INPP5D: variants seen among roughly 807,000 people sequenced by gnomAD.
INPP5D encodes inositol polyphosphate-5-phosphatase D, also known as phosphatidylinositol 3,4,5-trisphosphate 5-phosphatase 1.
INPP5D carries 33 observed loss-of-function variants against 122.9 expected under a neutral mutation model. That is an observed-to-expected ratio of 0.27 (90% confidence interval 0.20 to 0.36). The LOEUF (loss-of-function observed/expected upper bound fraction) is 0.36, where lower values mean the gene tolerates loss of function less well. Ranked by LOEUF, INPP5D falls within the 10% of genes least tolerant of loss-of-function variation. The pLI, the probability that INPP5D is intolerant of heterozygous loss-of-function variation, is 1.00. For synonymous variants in INPP5D, 584 were observed against 576.2 expected, an observed-to-expected ratio of 1.01 and a Z score of -0.19; for missense variants, 1,053 against 1,412.7, an observed-to-expected ratio of 0.75 and a Z score of 4.08.
At chr2:233,141,655 A>G (rs1280002759) in intron 6 of INPP5D, 3 of 152,258 alleles carry the variant, frequency 2.0e-5, no homozygotes, top group East Asian at 1.9e-4. Context: ...GCAGAATTCT[A>G]TTCTAAGGTG....
chr2:233,137,856 ATATATATATATATATATATATATAT>A, intron 5 of INPP5D, among the ~76,000 whole-genome samples: 1 of 14,364 alleles, frequency 7.0e-5, no homozygotes, highest in Non-Finnish European at 1.3e-4. Context: ...AAAAAAAAAT[ATATATATATATATATATATATATAT>A]ATATATATAT....
chr2:233,122,406 G>A (rs1693016506), intron 3 of INPP5D, 149 bp downstream of exon 3: 1 of 794,896 alleles, frequency 1.3e-6, no homozygotes, highest in African/African-American at 1.7e-5. Flanking sequence ...AGGCTCTCTG[G>A]TCAGGCAGAC....
intron 6 of INPP5D, among the ~76,000 whole-genome samples, chr2:233,144,235 GGTGAT>G (rs1693689571): frequency 6.6e-6 from 1 of 151,296 alleles, no homozygotes; most frequent in Non-Finnish European, 1.5e-5. Flanking sequence ...TGATGGTGAT[GGTGAT>G]GGTGGAGGTG....
At chr2:233,198,431 G>A (rs1402734335) in intron 25 of INPP5D, 55 bp downstream of exon 25, 1 of 1,546,556 alleles carries the variant, frequency 6.5e-7, no homozygotes, top group Non-Finnish European at 8.7e-7. Context: ...AGCGCCCTGG[G>A]CTTTGGGCTT....
intron 17 of INPP5D, among the ~76,000 whole-genome samples, chr2:233,172,493 TGAAA>T (rs981988949): frequency 2.6e-5 from 4 of 151,350 alleles, no homozygotes; most frequent in Admixed American, 2.0e-4. Flanking sequence ...ACAGTGAAAA[TGAAA>T]GAAAGGGGGA....
intron 1 of INPP5D, among the ~76,000 whole-genome samples, chr2:233,066,538 G>A (rs961804725): frequency 6.6e-6 from 1 of 152,198 alleles, no homozygotes; most frequent in Non-Finnish European, 1.5e-5. Context: ...AAGCCCACTC[G>A]TTGGGTTATT....
At chr2:233,061,603 G>A (rs374538687) in intron 1 of INPP5D, among the ~76,000 whole-genome samples, 6 of 152,304 alleles carry the variant, frequency 3.9e-5, no homozygotes, top group African/African-American at 1.4e-4. Context: ...GATGAACCCA[G>A]ACCTGTTTTG....
chr2:233,196,909 T>C (rs1695199595), intron 24 of INPP5D, among the ~76,000 whole-genome samples: 1 of 152,160 alleles, frequency 6.6e-6, no homozygotes, highest in Non-Finnish European at 1.5e-5. Flanking sequence ...ACTTCCAGCT[T>C]CCGATGTTCA....
At chr2:233,104,005 C>T (rs930951542) in intron 2 of INPP5D, among the ~76,000 whole-genome samples, 3 of 117,048 alleles carry the variant, frequency 2.6e-5, no homozygotes, top group Non-Finnish European at 3.3e-5. Context: ...CTGTGCCCTG[C>T]CTTTTTTTTT....
intron 9 of INPP5D, among the ~76,000 whole-genome samples, chr2:233,151,268 T>C (rs1216184394): frequency 6.6e-6 from 1 of 151,854 alleles, no homozygotes; most frequent in African/African-American, 2.4e-5. Context: ...GAGCCAGGAG[T>C]TTGAGTTCAC....
chr2:233,202,750 C>T (rs1338779353), intron 25 of INPP5D, among the ~76,000 whole-genome samples: 1 of 152,212 alleles, frequency 6.6e-6, no homozygotes, highest in Non-Finnish European at 1.5e-5. Flanking sequence ...AAATGTGTTC[C>T]CATTTCTCGT....
At chr2:233,099,941 G>C (rs1692257417) in intron 2 of INPP5D, among the ~76,000 whole-genome samples, 1 of 152,198 alleles carries the variant, frequency 6.6e-6, no homozygotes, top group Non-Finnish European at 1.5e-5. Flanking sequence ...TCATGTGGCA[G>C]ACAAGAGAAG....
At chr2:233,067,700 A>G (rs999373778) in intron 1 of INPP5D, among the ~76,000 whole-genome samples, 2 of 152,096 alleles carry the variant, frequency 1.3e-5, no homozygotes, top group African/African-American at 4.8e-5. Context: ...AGCACTTGTT[A>G]TTATCTTTTT....
intron 18 of INPP5D, among the ~76,000 whole-genome samples, chr2:233,180,343 GA>G (rs1694750175): frequency 6.6e-6 from 1 of 151,458 alleles, no homozygotes; most frequent in African/African-American, 2.4e-5. Context: ...GTACATATCT[GA>G]AATATTCTGA....
rs1473668457 is a variant in INPP5D at position 233,139,839 on chromosome 2, C to T, written c.666-3C>T. 9 of 398,666 alleles carry T rather than the reference C, an allele frequency of 2.3e-5. No homozygotes were observed. Among genetic ancestry groups the T allele is most frequent in the African/African-American group, 1.2e-4 (6 of 48,636 alleles). 24.7% of individuals were successfully genotyped at this position (398,666 alleles called of 1,614,324 possible). A position where few individuals can be genotyped will look rare whatever the true frequency, so the allele number is the denominator to read the frequency against. On this transcript the variant is annotated splice_region_variant and splice_polypyrimidine_tract_variant and intron_variant, in intron 5 of 26. Transcript: ENST00000445964. ...TGATGTTCACCTTGTCCCCTGCCCCCAGAGAAGTCATCCGGACCCTCCCAT... is the reference window on the plus strand; with the variant it reads ...TGATGTTCACCTTGTCCCCTGCCCCTAGAGAAGTCATCCGGACCCTCCCAT...
chr2:233,126,054 T>A, intron 4 of INPP5D, 135 bp downstream of exon 4: 1 of 873,570 alleles, frequency 1.1e-6, no homozygotes, highest in African/African-American at 1.7e-5. Context: ...CAGAGAAGAG[T>A]GCTTGTCATC....
chr2:233,179,172 G>C (rs1694723239), intron 18 of INPP5D, among the ~76,000 whole-genome samples: 17 of 148,692 alleles, frequency 1.1e-4, no homozygotes, highest in Admixed American at 1.1e-3. Flanking sequence ...CCACGGCCAG[G>C]GCATTGTTCC....
rs575950661 is a variant in INPP5D, at chr2:233,096,418, G to C, written c.198+17020G>C. ...TATAATCCCAGCACTTTGGAAGGCA[G>C]AGCTGGGCGGATCACCAGAGGTCAG... On this transcript the variant is annotated intron_variant, in intron 2 of 26. Transcript: ENST00000445964. Among the ~76,000 whole-genome samples the C allele has an allele frequency of 3.9e-5, 6 of 152,354 alleles. No homozygotes were observed. The South Asian group carries it at 1.2e-3, about 32-fold the overall frequency.
At position 233,105,584 on chromosome 2, in the gene INPP5D, C is replaced by T. The variant is rs1443288102; in HGVS notation, c.199-16523C>T. Among the ~76,000 whole-genome samples the T allele has an allele frequency of 6.6e-6, 1 of 152,098 alleles. No homozygotes were observed. The highest frequency in any genetic ancestry group is 2.1e-4 in the South Asian group (1 of 4,822). ...GGCAGGGCCTGGGTCTGTGTTGGTCCCTGATGCCGGGGGCTGAGCCGGGGG... is the reference window on the plus strand; with the variant it reads ...GGCAGGGCCTGGGTCTGTGTTGGTCTCTGATGCCGGGGGCTGAGCCGGGGG... On this transcript the variant is annotated intron_variant, in intron 2 of 26. Transcript: ENST00000445964. The surrounding 1 kb of genome is among the most constrained non-coding windows in gnomAD (Gnocchi z 4.0).
Sources: gnomAD v4.1 joint callset for allele counts (sites outside exome capture counted in the v4.1 genomes callset) on GRCh38, gnomAD v4.1.1 for gene constraint, Gnocchi (gnomAD v3.1) non-coding constraint, MANE v1.5 for transcripts, NCBI Gene and HGNC (gene_info 2026-07-23, HGNC 2026-07-21) for gene names.